ESRRG: variants seen among roughly 807,000 people sequenced by gnomAD.
ESRRG encodes estrogen-related receptor gamma.
A neutral mutation model predicts 44.0 loss-of-function variants in ESRRG; 13 were observed. The ratio of observed to expected loss-of-function variants is 0.30; its 90% CI spans 0.19 to 0.47. ESRRG has a LOEUF of 0.47. Among genes scored for constraint, ESRRG ranks in the 20% least tolerant of loss-of-function variants. ESRRG has a pLI of 1.00. For synonymous variants in ESRRG, 215 were observed against 214.6 expected (o/e 1.00, Z -0.02); for missense variants, 395 against 580.6 (o/e 0.68, Z 3.29).
At chr1:216,931,278 T>A (rs745607279) in intron 2 of ESRRG, among the ~76,000 whole-genome samples, 6 of 152,202 alleles carry the variant, frequency 3.9e-5, no homozygotes, top group African/African-American at 1.4e-4. Flanking sequence ...TATTATTTCA[T>A]TTTTTCTAAC....
intron 3 of ESRRG, among the ~76,000 whole-genome samples, chr1:216,637,373 C>A (rs1175331163): frequency 1.3e-5 from 2 of 152,162 alleles, no homozygotes; most frequent in Non-Finnish European, 2.9e-5. Flanking sequence ...GCACAGCCCT[C>A]CTGTTTTAGA....
intron 3 of ESRRG, among the ~76,000 whole-genome samples, chr1:216,621,434 T>C (rs1454718283): frequency 6.6e-6 from 1 of 152,188 alleles, no homozygotes. Flanking sequence ...GCCCATTTGT[T>C]GCTAGGTAAG....
intron 1 of ESRRG, among the ~76,000 whole-genome samples, chr1:217,083,491 G>A (rs1388450189): frequency 6.6e-6 from 1 of 152,202 alleles, no homozygotes; most frequent in African/African-American, 2.4e-5. Flanking sequence ...AGACCATGGA[G>A]TCAAACCCCT....
intron 1 of ESRRG, among the ~76,000 whole-genome samples, chr1:216,692,297 G>A (rs1198213680): frequency 1.6e-5 from 2 of 122,072 alleles, no homozygotes; most frequent in Non-Finnish European, 3.4e-5. Context: ...ACCCTGTGTA[G>A]GCCTAGGCTA....
intron 2 of ESRRG, among the ~76,000 whole-genome samples, chr1:216,859,102 A>G (rs2096005529): frequency 6.6e-6 from 1 of 152,232 alleles, no homozygotes; most frequent in Non-Finnish European, 1.5e-5. Flanking sequence ...ATAAGCATAA[A>G]ATAGGATCAG....
chr1:216,615,492 G>T (rs1054213546), intron 3 of ESRRG, among the ~76,000 whole-genome samples: 1 of 152,230 alleles, frequency 6.6e-6, no homozygotes, highest in East Asian at 1.9e-4. Flanking sequence ...TAATAACTTT[G>T]CATCAGAAGC....
At chr1:217,059,529 C>T (rs1416775096) in intron 1 of ESRRG, among the ~76,000 whole-genome samples, 2 of 152,052 alleles carry the variant, frequency 1.3e-5, no homozygotes, top group Non-Finnish European at 1.5e-5. Flanking sequence ...TCTTAAATTG[C>T]TCCATGGCAG....
At chr1:216,619,425 G>A (rs2061873238) in intron 3 of ESRRG, among the ~76,000 whole-genome samples, 1 of 152,134 alleles carries the variant, frequency 6.6e-6, no homozygotes, top group Non-Finnish European at 1.5e-5. Flanking sequence ...TATCTTCATG[G>A]TTCCTGCTTC....
In ESRRG at chr1:216,918,890, G is replaced by T. The variant is rs187182354; in HGVS notation, c.-14+20692C>A. ...AGATATGTGTATATATATATAATCA[G>T]ATAAACTCTGAACTCATTTATTAAT... On this transcript the variant is annotated intron_variant, in intron 2 of 7. Transcript: ENST00000359162. 1.6e-3 allele frequency among the ~76,000 whole-genome samples: 233 copies of T among 148,904 alleles called. 7 individuals carry two copies. In the East Asian group the frequency reaches 0.033, roughly 21 times the overall value.
At chr1:216,991,240 C>T (rs2818770) in intron 1 of ESRRG, among the ~76,000 whole-genome samples, 129,900 of 152,040 alleles carry the variant, frequency 0.85, 55,660 homozygotes, top group East Asian at 1. Flanking sequence ...CTGTTTCCGG[C>T]GCCAAAAAGG....
At chr1:216,606,493 T>C (rs993065471) in intron 3 of ESRRG, among the ~76,000 whole-genome samples, 4 of 152,204 alleles carry the variant, frequency 2.6e-5, no homozygotes, top group African/African-American at 9.6e-5. Context: ...GATTAAATCT[T>C]CTTTTCAATT....
chr1:217,133,646 TC>T, intron 1 of ESRRG, among the ~76,000 whole-genome samples: 1 of 8,016 alleles, frequency 1.2e-4, no homozygotes, highest in East Asian at 2.8e-3. Flanking sequence ...TCTCTCTCTC[TC>T]TTTCTTTCTT....
intron 2 of ESRRG, among the ~76,000 whole-genome samples, chr1:216,766,080 G>C (rs569885962): frequency 1.3e-5 from 2 of 152,136 alleles, no homozygotes; most frequent in African/African-American, 2.4e-5. Flanking sequence ...AAGTGAACCT[G>C]TCGGGTTTTG....
chr1:216,610,091 G>A (rs2060428597), intron 3 of ESRRG, among the ~76,000 whole-genome samples: 1 of 152,026 alleles, frequency 6.6e-6, no homozygotes. Context: ...TAGCAGGTGT[G>A]CCTTCAATTT....
chr1:216,821,541 C>T (rs889620779), intron 2 of ESRRG, among the ~76,000 whole-genome samples: 5 of 151,148 alleles, frequency 3.3e-5, no homozygotes, highest in South Asian at 2.1e-4. Flanking sequence ...ATAAATTAGC[C>T]GGGTGTAGTG....
rs531694622 is a variant in ESRRG at position 216,634,407 on chromosome 1, T to A, written c.589+16566A>T. On this transcript the variant is annotated intron_variant, in intron 3 of 6. Coordinates refer to ENST00000408911, the MANE Select transcript of ESRRG (RefSeq NM_001438.4). Reference sequence around the variant, plus strand: ...AAGATGGGCAGTGGGCTTTTATTTTTTTTTTTCTCAGCTATTCACCACTAT... The same window carrying A: ...AAGATGGGCAGTGGGCTTTTATTTTATTTTTTCTCAGCTATTCACCACTAT... Among the ~76,000 whole-genome samples the A allele has an allele frequency of 6.6e-5, 10 of 152,194 alleles. No homozygotes were observed. The East Asian group carries it at 1.2e-3, about 18-fold the overall frequency.
chr1:216,541,754 C>T (rs568904902), intron 5 of ESRRG, among the ~76,000 whole-genome samples: 8 of 151,992 alleles, frequency 5.3e-5, no homozygotes, highest in African/African-American at 1.4e-4. Flanking sequence ...TTTTGTTCTA[C>T]GTCTGTAATC....
intron 3 of ESRRG, among the ~76,000 whole-genome samples, chr1:216,588,259 A>T (rs1381008785): frequency 6.6e-6 from 1 of 152,186 alleles, no homozygotes. Context: ...AGTTTAGCAA[A>T]CTTACAAATT....
chr1:216,928,730 A>C (rs2062918522), intron 2 of ESRRG, among the ~76,000 whole-genome samples: 1 of 152,234 alleles, frequency 6.6e-6, no homozygotes, highest in South Asian at 2.1e-4. Flanking sequence ...AACAAATGGA[A>C]AAACAAAATG....
Sources: gnomAD v4.1 joint callset for allele counts (sites outside exome capture counted in the v4.1 genomes callset) on GRCh38, gnomAD v4.1.1 for gene constraint, MANE v1.5 for transcripts, NCBI Gene and HGNC (gene_info 2026-07-23, HGNC 2026-07-21) for gene names.